CRHR1: variants seen among roughly 807,000 people sequenced by gnomAD.
The protein encoded by CRHR1 is corticotropin-releasing hormone receptor 1.
A neutral mutation model predicts 56.0 loss-of-function variants in CRHR1; 28 were observed. The ratio of observed to expected loss-of-function variants is 0.50; its 90% CI spans 0.37 to 0.69. CRHR1 has a LOEUF of 0.69. Ranked by LOEUF, CRHR1 falls within the 30% of genes least tolerant of loss-of-function variation. The probability of loss-of-function intolerance (pLI) is 0.00; values close to 1 mark genes in which losing one functional copy is unlikely to be tolerated. For synonymous variants in CRHR1, 195 were observed against 216.5 expected, an observed-to-expected ratio of 0.90 and a Z score of 0.87; for missense variants, 376 against 548.0, an observed-to-expected ratio of 0.69 and a Z score of 3.13.
chr17:45,810,320 T>G (rs1423607871), intron 2 of CRHR1, among the ~76,000 whole-genome samples: 3 of 152,130 alleles, frequency 2.0e-5, no homozygotes, highest in Non-Finnish European at 1.5e-5. Context: ...TAATGTTTAT[T>G]TAGTGTCCAC....
chr17:45,833,693 T>TGGGGGGGGGGGGGGGGC, intron 10 of CRHR1, 21 bp from the exon 11 acceptor site: 3 of 1,571,614 alleles, frequency 1.9e-6, no homozygotes, highest in African/African-American at 1.4e-5. Context: ...ACTCCGAGCC[T>TGGGGGGGGGGGGGGGGC]CCCCACCCGC....
rs541062097 is a variant in CRHR1, at chr17:45,834,010, T to C, written c.1069T>C (p.Phe357Leu). The change falls in exon 12 of 13, where the codon TTC becomes CTC. Residue 357 changes from phenylalanine (F) to leucine (L), a missense_variant. By Grantham distance (22) the Phe-to-Leu change is conservative. Around this residue, in one of 2 missense-constraint regions of CRHR1, gnomAD observed 369 missense variants for 519.5 expected, o/e 0.71. Coordinates refer to ENST00000314537, the MANE Select transcript of CRHR1 (RefSeq NM_004382.5). ...ACGCCTCCTCTCTCCTCCCCAGGGC[T>C]TCTTTGTGTCTGTGTTCTACTGTTT... ...FNSFLESFQG[F>L]FVSVFYCFLN... The C allele has an allele frequency of 6.2e-7, 1 of 1,613,364 alleles. No individual in the cohort carries two copies. The highest frequency in any genetic ancestry group is 8.5e-7 in the Non-Finnish European group (1 of 1,179,420).
chr17:45,803,579 T>C (rs995657803), intron 1 of CRHR1, among the ~76,000 whole-genome samples: 15 of 151,902 alleles, frequency 9.9e-5, no homozygotes, highest in African/African-American at 3.6e-4. Flanking sequence ...GAGATGGGGG[T>C]TTCACCCTAT....
intron 1 of CRHR1, among the ~76,000 whole-genome samples, chr17:45,803,757 C>CGTGCGTGTGT (rs2061666505): frequency 7.7e-6 from 1 of 129,452 alleles, no homozygotes; most frequent in African/African-American, 2.6e-5. Context: ...AGAGAGAGTG[C>CGTGCGTGTGT]GTGTGTGTGT....
intron 2 of CRHR1, among the ~76,000 whole-genome samples, chr17:45,808,068 T>C (rs1385365306): frequency 6.6e-6 from 1 of 152,190 alleles, no homozygotes; most frequent in Non-Finnish European, 1.5e-5. Flanking sequence ...TTCAAGCCTC[T>C]CCTTGATTCA....
At chr17:45,793,448 C>T (rs1223574579) in intron 1 of CRHR1, among the ~76,000 whole-genome samples, 1 of 152,162 alleles carries the variant, frequency 6.6e-6, no homozygotes, top group Non-Finnish European at 1.5e-5. Flanking sequence ...GCCTAGGTGG[C>T]ATCCTGGGGT....
At chr17:45,806,624 T>C (rs1318123158) in intron 1 of CRHR1, among the ~76,000 whole-genome samples, 4 of 152,112 alleles carry the variant, frequency 2.6e-5, no homozygotes, top group Non-Finnish European at 4.4e-5. Context: ...TGTGTGTGTG[T>C]GTGCACATGC....
chr17:45,814,187 G>T (rs954991238), intron 2 of CRHR1, among the ~76,000 whole-genome samples: 3 of 152,230 alleles, frequency 2.0e-5, no homozygotes, highest in African/African-American at 7.2e-5. Flanking sequence ...CATTACATTT[G>T]AGCCTAGCTC....
chr17:45,820,486 C>G (rs917845136), intron 3 of CRHR1, among the ~76,000 whole-genome samples: 2 of 152,178 alleles, frequency 1.3e-5, no homozygotes, highest in African/African-American at 2.4e-5. Context: ...ATTCAGCTCA[C>G]AGGGCCCCTC....
In CRHR1 at chr17:45,830,578, G is replaced by T; in HGVS notation, c.709+8G>T. 1 of 1,599,826 alleles carries T rather than the reference G, an allele frequency of 6.3e-7. No individual in the cohort carries two copies. The highest frequency in any genetic ancestry group is 8.5e-7 in the Non-Finnish European group (1 of 1,171,902). ...TCATCTGCATTGGCTGGGGTGAGCT[G>T]GGCAGCCACCTCCGCAGCCTGGGCA... On this transcript the variant is annotated splice_region_variant and intron_variant, in intron 7 of 12. Coordinates refer to ENST00000314537, the MANE Select transcript of CRHR1 (RefSeq NM_004382.5).
In CRHR1 at chr17:45,784,540, C is replaced by A; in HGVS notation, c.-5C>A. The A allele has an allele frequency of 1.3e-6, 2 of 1,552,154 alleles. No homozygotes were observed. The highest frequency in any genetic ancestry group is 5.0e-5 in the East Asian group (2 of 40,246). Reference sequence around the variant, plus strand: ...ATTCAGGACGGTAGCCGAGCGAGCCCGAGGATGGGAGGGCACCCGCAGCTC... The same window carrying A: ...ATTCAGGACGGTAGCCGAGCGAGCCAGAGGATGGGAGGGCACCCGCAGCTC... On this transcript the variant is annotated 5_prime_UTR_variant, in exon 1 of 13. Coordinates refer to ENST00000314537, the MANE Select transcript of CRHR1 (RefSeq NM_004382.5). This position sits in a 1 kb window ranked among gnomAD's most constrained non-coding sequence, Gnocchi z 4.2.
At chr17:45,817,276 G>A (rs1652542712) in intron 3 of CRHR1, among the ~76,000 whole-genome samples, 1 of 152,244 alleles carries the variant, frequency 6.6e-6, no homozygotes, top group African/African-American at 2.4e-5. Context: ...CAATGAGTCA[G>A]GTCCCTGCTT....
At position 45,815,555 on chromosome 17, in the gene CRHR1, C is replaced by T. The variant is rs1377721614; in HGVS notation, c.122-908C>T. Among the ~76,000 whole-genome samples the T allele has an allele frequency of 3.3e-5, 5 of 152,314 alleles. No homozygotes were observed. In the South Asian group the frequency reaches 8.3e-4, roughly 25 times the overall value. On this transcript the variant is annotated intron_variant, in intron 2 of 12. Transcript: ENST00000314537. ...CTAATGAAAGCCGTGGGCCCATTTC[C>T]CCATTAAAATGCATGTATACACCAA...
At chr17:45,831,786 G>A (rs1050370745) in intron 8 of CRHR1, among the ~76,000 whole-genome samples, 5 of 152,176 alleles carry the variant, frequency 3.3e-5, no homozygotes, top group South Asian at 2.1e-4. Context: ...AAGTGTTCCC[G>A]GGAACCTATC....
chr17:45,800,654 G>A (rs1355137166), intron 1 of CRHR1: 1 of 152,332 alleles, frequency 6.6e-6, no homozygotes, highest in Non-Finnish European at 1.5e-5. Flanking sequence ...CCAGTGACAG[G>A]ACTGCCTTGG....
At chr17:45,824,856 CT>C (rs2062123408) in intron 4 of CRHR1, among the ~76,000 whole-genome samples, 1 of 152,126 alleles carries the variant, frequency 6.6e-6, no homozygotes, top group African/African-American at 2.4e-5. Flanking sequence ...CTGCCGCCCC[CT>C]GTCTCTCATC....
intron 6 of CRHR1, 47 bp from the exon 7 acceptor site, chr17:45,830,370 C>T (rs945883564): frequency 1.9e-6 from 3 of 1,583,290 alleles, no homozygotes; most frequent in Non-Finnish European, 2.6e-6. Context: ...GGGTTTGGTG[C>T]CTCCCCTGCC....
At chr17:45,801,182 C>G (rs1000499541) in intron 1 of CRHR1, among the ~76,000 whole-genome samples, 12 of 152,194 alleles carry the variant, frequency 7.9e-5, no homozygotes, top group East Asian at 1.9e-4. Context: ...CCCTCCACCC[C>G]CTCCACAGGC....
chr17:45,808,034 G>C (rs1287224357), intron 2 of CRHR1, among the ~76,000 whole-genome samples: 13 of 152,160 alleles, frequency 8.5e-5, no homozygotes, highest in African/African-American at 7.2e-5. Flanking sequence ...TCTTTGGAAG[G>C]CTTGTGGACC....
Sources: gnomAD v4.1 joint callset for allele counts (sites outside exome capture counted in the v4.1 genomes callset) on GRCh38, gnomAD v4.1.1 for gene constraint, gnomAD v4.1.1 regional missense constraint, Gnocchi (gnomAD v3.1) non-coding constraint, MANE v1.5 for transcripts, NCBI Gene and HGNC (gene_info 2026-07-23, HGNC 2026-07-21) for gene names.